The following UAP1 variants were observed in gnomAD, a reference collection of about 807,000 sequenced individuals.
The protein encoded by UAP1 is UDP-N-acetylglucosamine pyrophosphorylase 1, also known as UDP-N-acetylhexosamine pyrophosphorylase.
A neutral mutation model predicts 58.5 loss-of-function variants in UAP1; 25 were observed. That is an observed-to-expected ratio of 0.43 (90% CI 0.31 to 0.60). The LOEUF is 0.60. Ranked by LOEUF, UAP1 falls within the 20% of genes least tolerant of loss-of-function variation. The probability of loss-of-function intolerance (pLI) is 0.11; values close to 1 mark genes in which losing one functional copy is unlikely to be tolerated. For synonymous variants in UAP1, 208 were observed against 213.0 expected (o/e 0.98, Z 0.21); for missense variants, 575 against 630.0 (o/e 0.91, Z 0.93).
intron 3 of UAP1, among the ~76,000 whole-genome samples, chr1:162,577,851 C>G (rs1036582775): frequency 6.6e-6 from 1 of 151,970 alleles, no homozygotes; most frequent in Non-Finnish European, 1.5e-5. Flanking sequence ...ACCTTGTGAT[C>G]TGCCCGTCTC....
intron 5 of UAP1, among the ~76,000 whole-genome samples, chr1:162,583,412 C>T (rs1373627964): frequency 6.6e-6 from 1 of 151,990 alleles, no homozygotes; most frequent in Non-Finnish European, 1.5e-5. Context: ...CTCAGCCTCC[C>T]AAAGTGCTGG....
chr1:162,583,206 G>A (rs1654707187), intron 5 of UAP1, among the ~76,000 whole-genome samples: 1 of 133,260 alleles, frequency 7.5e-6, no homozygotes, highest in Non-Finnish European at 1.5e-5. Flanking sequence ...GGGCCGGAGT[G>A]CAGTGGCATG....
chr1:162,576,045 A>G (rs1273031519), intron 2 of UAP1, among the ~76,000 whole-genome samples: 4 of 152,176 alleles, frequency 2.6e-5, no homozygotes, highest in Admixed American at 2.0e-4. Context: ...CCATCACCAT[A>G]CAAAGACTTC....
At chr1:162,583,174 ACG>A (rs1654702677) in intron 5 of UAP1, among the ~76,000 whole-genome samples, 1 of 80,546 alleles carries the variant, frequency 1.2e-5, no homozygotes, top group Admixed American at 1.9e-4. Flanking sequence ...TTTTTTTGAG[ACG>A]CAGTCTTGCA....
intron 2 of UAP1, among the ~76,000 whole-genome samples, chr1:162,573,361 A>G (rs996669769): frequency 1.3e-5 from 2 of 152,092 alleles, no homozygotes; most frequent in Non-Finnish European, 2.9e-5. Context: ...CACATTTACT[A>G]GCTATGTGAC....
intron 5 of UAP1, among the ~76,000 whole-genome samples, chr1:162,585,369 T>C (rs1310710456): frequency 6.6e-6 from 1 of 152,120 alleles, no homozygotes; most frequent in Non-Finnish European, 1.5e-5. Context: ...GTGATTCTGC[T>C]GCCTCAGCCT....
In UAP1 at chr1:162,589,119, T is replaced by TAA. The variant is rs1218295758; in HGVS notation, c.1169+286_1169+287insAA. 7.5e-3 allele frequency among the ~76,000 whole-genome samples: 870 copies of TAA among 116,370 alleles called. 7 individuals are homozygous for TAA. The highest frequency in any genetic ancestry group is 0.03 in the African/African-American group (842 of 28,316). 76.3% of individuals were successfully genotyped at this position (116,370 alleles called of 152,430 possible). A position where few individuals can be genotyped will look rare whatever the true frequency, so the allele number is the denominator to read the frequency against. ...ATTAAATATATATATTATATATATA[T>TAA]TTTATATATATAATTTATATATTTA... is the stretch of plus-strand genomic sequence containing the variant. On this transcript the variant is annotated intron_variant, in intron 7 of 10. Transcript: ENST00000271469.
At chr1:162,574,741 G>A (rs1226731508) in intron 2 of UAP1, among the ~76,000 whole-genome samples, 3 of 152,008 alleles carry the variant, frequency 2.0e-5, no homozygotes, top group African/African-American at 7.2e-5. Flanking sequence ...TTATGGTACT[G>A]AGACTGTCCA....
At chr1:162,577,910 A>AT (rs1001789963) in intron 3 of UAP1, among the ~76,000 whole-genome samples, 22 of 149,674 alleles carry the variant, frequency 1.5e-4, no homozygotes, top group African/African-American at 3.9e-4. Flanking sequence ...GCACCCGGCT[A>AT]TTTTTTTTTG....
At position 162,569,706 on chromosome 1, in the gene UAP1, A is replaced by G. The variant is rs570349430; in HGVS notation, c.280+3358A>G. 5.3e-5 allele frequency among the ~76,000 whole-genome samples: 8 copies of G among 152,306 alleles called. No individual in the cohort carries two copies. In the South Asian group the frequency reaches 1.7e-3, roughly 32 times the overall value. On this transcript the variant is annotated intron_variant, in intron 2 of 10. Transcript: ENST00000271469. The stretch of plus-strand genomic sequence containing the variant: ...TCTTAGCTTTTTTTGCCTATGAGAC[A>G]TTTTCCTATTAATCATAATGGTGCT...
exon 1 of UAP1, chr1:162,561,701 G>C (rs1197968983): frequency 6.6e-6 from 1 of 152,384 alleles, no homozygotes; most frequent in Non-Finnish European, 1.5e-5. Flanking sequence ...TATATATTCG[G>C]AGCGAGCGCG....
chr1:162,596,946 G>A (rs1162969403), intron 9 of UAP1, among the ~76,000 whole-genome samples: 3 of 152,206 alleles, frequency 2.0e-5, no homozygotes, highest in African/African-American at 7.2e-5. Flanking sequence ...CAGAATTGCT[G>A]TAAATGTTAG....
In UAP1 at chr1:162,588,641, T is replaced by C. The variant is rs1655062215; in HGVS notation, c.1029-52T>C. On this transcript the variant is annotated intron_variant, in intron 6 of 10. Coordinates refer to ENST00000271469, the Ensembl canonical transcript of UAP1. ...TGCTCCTGAATGTTGTAAGATTTTC[T>C]GGCATTTTAAATCTGGAACGTGATT... is the stretch of plus-strand genomic sequence containing the variant. 13 of 1,566,868 alleles carry C rather than the reference T, an allele frequency of 8.3e-6. No individual in the cohort carries two copies. In the South Asian group the frequency reaches 1.4e-4, roughly 17 times the overall value.
intron 6 of UAP1, chr1:162,588,201 A>G (rs140340578): frequency 2.6e-5 from 4 of 154,446 alleles, no homozygotes; most frequent in African/African-American, 9.6e-5. Context: ...AGGATAAAAT[A>G]AGAGCTATTT....
rs564909980 is a variant in UAP1, at chr1:162,589,261, ATATT to A, written c.1169+436_1169+439del. ...TAAATTTATAGTTATATATAAATAT[ATATT>A]TATTTATAATATATATAAATATATA... On this transcript the variant is annotated intron_variant, in intron 7 of 10. Transcript: ENST00000271469. 7.3e-3 allele frequency among the ~76,000 whole-genome samples: 937 copies of A among 129,182 alleles called. 8 individuals are homozygous for A. The highest frequency in any genetic ancestry group is 0.024 in the African/African-American group (822 of 34,340). The allele number at this position is 129,182 out of a possible 152,430, so 84.7% of individuals were successfully genotyped here.
chr1:162,584,799 GC>G (rs1353105310), intron 5 of UAP1, among the ~76,000 whole-genome samples: 1 of 151,878 alleles, frequency 6.6e-6, no homozygotes, highest in African/African-American at 2.4e-5. Flanking sequence ...ACTTTAATAG[GC>G]CCCTGTCTTG....
At chr1:162,564,189 T>G (rs1213686635) in intron 1 of UAP1, among the ~76,000 whole-genome samples, 3 of 152,190 alleles carry the variant, frequency 2.0e-5, no homozygotes, top group Non-Finnish European at 4.4e-5. Context: ...TAATGAACAT[T>G]GAAAGCTGAG....
exon 5 of UAP1, chr1:162,581,287 A>T (rs1039918650): frequency 1.2e-6 from 2 of 1,607,238 alleles, no homozygotes; most frequent in Non-Finnish European, 1.7e-6. Context: ...TGTTTTCCAG[A>T]TGGGAATGGT....
At chr1:162,566,315 G>T in exon 2 of UAP1, 1 of 1,614,076 alleles carries the variant, frequency 6.2e-7, no homozygotes, top group Non-Finnish European at 8.5e-7. Context: ...TGCTACAAGG[G>T]ATCAAGATCA....
Sources: allele counts gnomAD v4.1 joint callset (sites outside exome capture counted in the v4.1 genomes callset), GRCh38; gene constraint gnomAD v4.1.1; transcripts MANE v1.5; gene names NCBI Gene and HGNC (gene_info 2026-07-23, HGNC 2026-07-21).